The following EYS variants were observed in gnomAD, a reference collection of about 807,000 sequenced individuals.
EYS encodes the protein protein eyes shut homolog.
In EYS, 250 loss-of-function variants were observed where a neutral mutation model predicts 282.1. The ratio of observed to expected loss-of-function variants is 0.89; its 90% confidence interval spans 0.80 to 0.98. The LOEUF (loss-of-function observed/expected upper bound fraction) is 0.98. EYS is among the 50% of genes least tolerant of loss of function. The probability of loss-of-function intolerance (pLI) is 0.00; values close to 1 mark genes in which losing one functional copy is unlikely to be tolerated. For missense variants in EYS, 4,016 were observed against 3,709.0 expected (o/e 1.08, Z -2.15); for synonymous variants, 1,355 against 1,282.9 (o/e 1.06, Z -1.20).
intron 33 of EYS, among the ~76,000 whole-genome samples, chr6:64,010,376 C>T (rs1347416290): frequency 2.5e-5 from 3 of 118,040 alleles, no homozygotes; most frequent in Admixed American, 2.0e-4. Flanking sequence ...GTGGCATTGG[C>T]TGTGTGTGTG....
chr6:65,253,149 G>C (rs57900518), intron 12 of EYS, among the ~76,000 whole-genome samples: 1 of 151,960 alleles, frequency 6.6e-6, no homozygotes, highest in Non-Finnish European at 1.5e-5. Context: ...AAACCCTTCA[G>C]ACACATCAGA....
chr6:65,322,278 G>A (rs1352826898), intron 11 of EYS, among the ~76,000 whole-genome samples: 4 of 152,172 alleles, frequency 2.6e-5, no homozygotes, highest in African/African-American at 7.2e-5. Context: ...AAAGAAGTAG[G>A]ACTCTGGGGT....
intron 31 of EYS, among the ~76,000 whole-genome samples, chr6:64,213,127 A>G (rs1765829863): frequency 6.6e-6 from 1 of 152,116 alleles, no homozygotes; most frequent in Non-Finnish European, 1.5e-5. Flanking sequence ...CAGGAAAACT[A>G]ACTAATGGGT....
chr6:64,150,956 G>A (rs529390901), intron 31 of EYS, among the ~76,000 whole-genome samples: 40 of 152,104 alleles, frequency 2.6e-4, no homozygotes, highest in African/African-American at 8.9e-4. Flanking sequence ...ACCAATTGGC[G>A]CAATATATCT....
intron 14 of EYS, among the ~76,000 whole-genome samples, chr6:64,992,139 A>G (rs1402159778): frequency 2.6e-5 from 4 of 151,918 alleles, no homozygotes; most frequent in Non-Finnish European, 4.4e-5. Context: ...TTTATGGAAG[A>G]AACTGATAAA....
intron 5 of EYS, among the ~76,000 whole-genome samples, chr6:65,464,501 A>G (rs9363372): frequency 0.19 from 28,395 of 152,172 alleles, 3,276 homozygotes; most frequent in Middle Eastern, 0.3. Context: ...CCAAAGTTGA[A>G]TCTCTACCAA....
At chr6:65,094,150 A>G (rs1774656411) in intron 12 of EYS, among the ~76,000 whole-genome samples, 1 of 151,572 alleles carries the variant, frequency 6.6e-6, no homozygotes, top group South Asian at 2.1e-4. Flanking sequence ...TAACTGGTCA[A>G]TTCATCAGGA....
At chr6:64,166,935 A>C (rs2150304295) in intron 31 of EYS, among the ~76,000 whole-genome samples, 1 of 152,326 alleles carries the variant, frequency 6.6e-6, no homozygotes, top group African/African-American at 2.4e-5. Flanking sequence ...CACTGTGATA[A>C]AAATTTTGCT....
At chr6:65,565,898 T>C (rs1769263882) in intron 2 of EYS, among the ~76,000 whole-genome samples, 1 of 151,828 alleles carries the variant, frequency 6.6e-6, no homozygotes, top group African/African-American at 2.4e-5. Flanking sequence ...AGTTGAACAA[T>C]TAGAACATAC....
chr6:64,949,825 C>A (rs1769422885), intron 14 of EYS, among the ~76,000 whole-genome samples: 1 of 151,806 alleles, frequency 6.6e-6, no homozygotes, highest in Non-Finnish European at 1.5e-5. Flanking sequence ...GCCTCAGGTG[C>A]CTTCATATGT....
At chr6:65,368,939 G>T (rs972584550) in intron 8 of EYS, among the ~76,000 whole-genome samples, 3 of 151,340 alleles carry the variant, frequency 2.0e-5, no homozygotes, top group African/African-American at 7.3e-5. Flanking sequence ...TGATCGTATG[G>T]TATTATTGAA....
chr6:64,258,156 A>G (rs1767465428), intron 30 of EYS, among the ~76,000 whole-genome samples: 1 of 152,044 alleles, frequency 6.6e-6, no homozygotes, highest in African/African-American at 2.4e-5. Flanking sequence ...ATTAAATTCA[A>G]ATGTTATATG....
chr6:65,045,931 C>A (rs1773087843), intron 13 of EYS, among the ~76,000 whole-genome samples: 1 of 151,760 alleles, frequency 6.6e-6, no homozygotes, highest in South Asian at 2.1e-4. Flanking sequence ...TTATTAACAA[C>A]CTTTCTTATA....
At chr6:64,544,315 G>A (rs1764781856) in intron 26 of EYS, among the ~76,000 whole-genome samples, 2 of 152,196 alleles carry the variant, frequency 1.3e-5, no homozygotes, top group African/African-American at 4.8e-5. Context: ...CACAATCAGG[G>A]AAAGAAAGTG....
intron 30 of EYS, among the ~76,000 whole-genome samples, chr6:64,248,230 T>C (rs948098149): frequency 1.3e-5 from 2 of 151,056 alleles, no homozygotes; most frequent in Non-Finnish European, 2.9e-5. Context: ...TATAGGTGCG[T>C]CTTGAGAGAG....
chr6:65,049,906 A>G (rs1030849989), intron 13 of EYS, among the ~76,000 whole-genome samples: 1 of 151,704 alleles, frequency 6.6e-6, no homozygotes, highest in African/African-American at 2.4e-5. Flanking sequence ...TGATAAAACC[A>G]TATAATATGT....
chr6:64,052,549 ATAT>A (rs1770842511), intron 33 of EYS, among the ~76,000 whole-genome samples: 2 of 152,206 alleles, frequency 1.3e-5, no homozygotes, highest in East Asian at 3.9e-4. Context: ...GATGAAAAAA[ATAT>A]TTTCTAAACA....
At chr6:64,138,928 A>G (rs904766559) in intron 31 of EYS, among the ~76,000 whole-genome samples, 10 of 152,194 alleles carry the variant, frequency 6.6e-5, no homozygotes, top group Admixed American at 1.3e-4. Context: ...AGAGTTATTT[A>G]TATCCTACTT....
At chr6:64,719,393 T>A (rs1286840061) in intron 22 of EYS, among the ~76,000 whole-genome samples, 1 of 152,186 alleles carries the variant, frequency 6.6e-6, no homozygotes, top group African/African-American at 2.4e-5. Flanking sequence ...ATTAAATATT[T>A]CTATTTTTAT....
Sources: gnomAD v4.1 joint callset for allele counts (sites outside exome capture counted in the v4.1 genomes callset) on GRCh38, gnomAD v4.1.1 for gene constraint, MANE v1.5 for transcripts, NCBI Gene and HGNC (gene_info 2026-07-23, HGNC 2026-07-21) for gene names.